SIPA1L1: variants seen among roughly 807,000 people sequenced by gnomAD.
SIPA1L1 encodes signal-induced proliferation-associated 1-like protein 1.
SIPA1L1 carries 26 observed loss-of-function variants against 162.7 expected under a neutral mutation model. That is an observed-to-expected ratio of 0.16 (90% confidence interval 0.12 to 0.22). The LOEUF (loss-of-function observed/expected upper bound fraction) is 0.22. Ranked by LOEUF, SIPA1L1 falls within the 10% of genes least tolerant of loss-of-function variation. The pLI is 1.00. For synonymous variants in SIPA1L1, 829 were observed against 837.4 expected (o/e 0.99, Z 0.17); for missense variants, 1,874 against 2,241.0 (o/e 0.84, Z 3.31).
chr14:71,341,840 CTT>C (rs1246664443), intron 2 of SIPA1L1, among the ~76,000 whole-genome samples: 1 of 152,128 alleles, frequency 6.6e-6, no homozygotes, highest in Non-Finnish European at 1.5e-5. Flanking sequence ...TGATTTTACT[CTT>C]TTTTTGTGGC....
chr14:71,450,018 T>C (rs984742743), intron 2 of SIPA1L1, among the ~76,000 whole-genome samples: 4 of 152,182 alleles, frequency 2.6e-5, no homozygotes, highest in Admixed American at 6.6e-5. Context: ...AAAAATGATA[T>C]ATGTTCATTT....
At chr14:71,334,651 A>G (rs1438220868) in intron 2 of SIPA1L1, among the ~76,000 whole-genome samples, 1 of 152,202 alleles carries the variant, frequency 6.6e-6, no homozygotes, top group East Asian at 1.9e-4. Context: ...TCTTTCTCAA[A>G]TTCTTTATTT....
intron 2 of SIPA1L1, among the ~76,000 whole-genome samples, chr14:71,446,914 T>TTG (rs1555425862): frequency 4.0e-5 from 5 of 125,804 alleles, no homozygotes; most frequent in East Asian, 4.4e-4. Flanking sequence ...TTGTTTTTTT[T>TTG]TTTTTTTTTT....
At chr14:71,434,037 T>C (rs2044197074) in intron 2 of SIPA1L1, among the ~76,000 whole-genome samples, 1 of 152,250 alleles carries the variant, frequency 6.6e-6, no homozygotes. Context: ...TGATTGTGAC[T>C]AATGATCAAA....
intron 2 of SIPA1L1, among the ~76,000 whole-genome samples, chr14:71,500,286 A>T (rs1309012011): frequency 6.6e-6 from 1 of 152,224 alleles, no homozygotes; most frequent in Non-Finnish European, 1.5e-5. Flanking sequence ...AATCAATAAA[A>T]GCGTGACACT....
intron 2 of SIPA1L1, among the ~76,000 whole-genome samples, chr14:71,343,805 A>G (rs1450812327): frequency 1.3e-5 from 2 of 152,194 alleles, no homozygotes; most frequent in Non-Finnish European, 2.9e-5. Context: ...TCAGGAAGAA[A>G]GTATCAGGGA....
intron 19 of SIPA1L1, among the ~76,000 whole-genome samples, chr14:71,728,141 C>A (rs1233434377): frequency 6.6e-6 from 1 of 152,152 alleles, no homozygotes; most frequent in Non-Finnish European, 1.5e-5. Context: ...TATTTAGCAG[C>A]AGTTTTTTCA....
chr14:71,321,921 T>G (rs2033066277), intron 2 of SIPA1L1: 1 of 152,128 alleles, frequency 6.6e-6, no homozygotes. Flanking sequence ...AAGGAAGATG[T>G]TTAGCTAAAT....
At chr14:71,513,737 C>T (rs1027370182) in intron 3 of SIPA1L1, among the ~76,000 whole-genome samples, 4 of 152,088 alleles carry the variant, frequency 2.6e-5, no homozygotes, top group Non-Finnish European at 4.4e-5. Context: ...TAGTGATCCA[C>T]CTAGGCTTCC....
In SIPA1L1 at chr14:71,739,701, G is replaced by A. The variant is rs561798531; in HGVS notation, c.*540G>A. 171 of 152,468 alleles carry A rather than the reference G, an allele frequency of 1.1e-3. No individual in the cohort carries two copies. The highest frequency in any genetic ancestry group is 2.1e-3 in the Non-Finnish European group (145 of 68,174). The allele number at this position is 152,468 out of a possible 1,614,324, so 9.4% of individuals were successfully genotyped here. A position where few individuals can be genotyped will look rare whatever the true frequency, so the allele number is the denominator to read the frequency against. On this transcript the variant is annotated 3_prime_UTR_variant, in exon 24 of 24. Coordinates refer to ENST00000381232, the MANE Select transcript of SIPA1L1 (RefSeq NM_001386936.1). ...AATGCCTACCTCCCTTGAATGACTCGTGCATGAGCTAGTGCTGTCTGTACC... is the reference window on the plus strand; with the variant it reads ...AATGCCTACCTCCCTTGAATGACTCATGCATGAGCTAGTGCTGTCTGTACC...
At chr14:71,420,696 G>A (rs1262508377) in intron 2 of SIPA1L1, among the ~76,000 whole-genome samples, 3 of 152,024 alleles carry the variant, frequency 2.0e-5, no homozygotes, top group South Asian at 2.1e-4. Flanking sequence ...CATGGACAGG[G>A]ACATTTTGCC....
intron 2 of SIPA1L1, among the ~76,000 whole-genome samples, chr14:71,487,048 A>G (rs1391714296): frequency 6.6e-6 from 1 of 152,208 alleles, no homozygotes; most frequent in African/African-American, 2.4e-5. Flanking sequence ...AAATTCTGCC[A>G]TAATCTTCTG....
At chr14:71,569,045 A>G (rs1235065219) in intron 4 of SIPA1L1, among the ~76,000 whole-genome samples, 1 of 152,208 alleles carries the variant, frequency 6.6e-6, no homozygotes, top group African/African-American at 2.4e-5. Context: ...TTTCAGTTTT[A>G]TCGTGTAGCA....
At chr14:71,694,412 A>G (rs537995306) in intron 13 of SIPA1L1, among the ~76,000 whole-genome samples, 2 of 152,276 alleles carry the variant, frequency 1.3e-5, no homozygotes, top group African/African-American at 4.8e-5. Flanking sequence ...TTTAGTGTTA[A>G]GTGTAGTCAA....
chr14:71,701,496 G>A (rs544296421), intron 14 of SIPA1L1, among the ~76,000 whole-genome samples: 5 of 152,094 alleles, frequency 3.3e-5, no homozygotes, highest in Admixed American at 1.3e-4. Flanking sequence ...GATTACAGGC[G>A]TGAGCCACTG....
At chr14:71,599,216 T>C (rs1422570243) in intron 5 of SIPA1L1, among the ~76,000 whole-genome samples, 1 of 144,694 alleles carries the variant, frequency 6.9e-6, no homozygotes, top group African/African-American at 2.6e-5. Context: ...AATGGCACGA[T>C]TTCGGCTCAC....
intron 13 of SIPA1L1, among the ~76,000 whole-genome samples, chr14:71,696,449 T>C (rs1472383987): frequency 2.0e-5 from 3 of 152,236 alleles, no homozygotes; most frequent in Non-Finnish European, 4.4e-5. Context: ...TTTTCTTGCA[T>C]TTTAGAAGGC....
intron 2 of SIPA1L1, among the ~76,000 whole-genome samples, chr14:71,488,373 A>G (rs1437456773): frequency 1.3e-5 from 2 of 152,144 alleles, no homozygotes; most frequent in Non-Finnish European, 2.9e-5. Flanking sequence ...TTTGTTTTAG[A>G]ATTTCACTCT....
chr14:71,610,819 ACT>A (rs1279599363), intron 5 of SIPA1L1, among the ~76,000 whole-genome samples: 1 of 152,208 alleles, frequency 6.6e-6, no homozygotes, highest in Non-Finnish European at 1.5e-5. Context: ...TACTTTAGAT[ACT>A]GTTTTAAACC....
Sources: gnomAD v4.1 joint callset for allele counts (sites outside exome capture counted in the v4.1 genomes callset) on GRCh38, gnomAD v4.1.1 for gene constraint, MANE v1.5 for transcripts, NCBI Gene and HGNC (gene_info 2026-07-23, HGNC 2026-07-21) for gene names.